The following RPTOR variants were observed in gnomAD, a reference collection of about 807,000 sequenced individuals.
The protein encoded by RPTOR is regulatory-associated protein of mTOR.
A neutral mutation model predicts 169.9 loss-of-function variants in RPTOR; 21 were observed. The observed-to-expected ratio is 0.12, with a 90% CI of 0.09 to 0.18. The LOEUF is 0.18. Among genes scored for constraint, RPTOR ranks in the 10% least tolerant of loss-of-function variants. RPTOR has a pLI of 1.00. For synonymous variants in RPTOR, 732 were observed against 753.2 expected (o/e 0.97, Z 0.46); for missense variants, 1,133 against 1,855.9 (o/e 0.61, Z 7.16).
At chr17:80,570,287 A>G (rs562948465) in intron 1 of RPTOR, among the ~76,000 whole-genome samples, 1 of 152,122 alleles carries the variant, frequency 6.6e-6, no homozygotes, top group African/African-American at 2.4e-5. Context: ...CTAGTTGTGT[A>G]TGGTGGGAGG....
rs753731011 is a variant in RPTOR at position 80,884,989 on chromosome 17, A to AC, written c.1843-13dup. On this transcript the variant is annotated intron_variant, in intron 16 of 33. Transcript: ENST00000306801. ...TGGCCCGGTGTGGGACATGCCTGTG[A>AC]CCCCCCGCCGCCTTGCAGGTCCGCT... 22 of 1,601,850 alleles carry AC rather than the reference A, an allele frequency of 1.4e-5. No homozygotes were observed. In the African/African-American group the frequency reaches 2.0e-4, roughly 15 times the overall value.
chr17:80,663,485 A>C (rs2065740239), intron 3 of RPTOR, among the ~76,000 whole-genome samples: 2 of 152,174 alleles, frequency 1.3e-5, no homozygotes, highest in Admixed American at 1.3e-4. Context: ...AAGCGTAGGC[A>C]TCAGTGAGCT....
rs926989313 is a variant in RPTOR, at chr17:80,867,676, G to A, written c.1509+9776G>A. ...TAGAAAAAATTTAGTAAGTTTGCAG[G>A]TTATAAGATCAATATACAAAAATCA... On this transcript the variant is annotated intron_variant, in intron 13 of 33. Transcript: ENST00000306801. Among the ~76,000 whole-genome samples, 7 of 152,206 alleles carry A rather than the reference G, an allele frequency of 4.6e-5. No homozygotes were observed. In the South Asian group the frequency reaches 1.5e-3, roughly 32 times the overall value.
intron 7 of RPTOR, among the ~76,000 whole-genome samples, chr17:80,799,874 C>G (rs531166207): frequency 6.6e-6 from 1 of 152,324 alleles, no homozygotes; most frequent in Non-Finnish European, 1.5e-5. Context: ...GACAGATGGG[C>G]AGGTGTGTTT....
intron 2 of RPTOR, among the ~76,000 whole-genome samples, chr17:80,641,124 T>C (rs1452655827): frequency 5.3e-5 from 8 of 152,274 alleles, no homozygotes; most frequent in Non-Finnish European, 5.9e-5. Flanking sequence ...TCCTATCTTG[T>C]GGGTCTGATC....
At chr17:80,943,360 A>G (rs1292882667) in intron 25 of RPTOR, among the ~76,000 whole-genome samples, 1 of 152,228 alleles carries the variant, frequency 6.6e-6, no homozygotes, top group Non-Finnish European at 1.5e-5. Context: ...TCTTTGTCAC[A>G]TGACCATGAA....
chr17:80,851,742 T>C (rs2067795804), intron 11 of RPTOR, among the ~76,000 whole-genome samples: 1 of 152,204 alleles, frequency 6.6e-6, no homozygotes, highest in African/African-American at 2.4e-5. Flanking sequence ...CTTTTGTTGT[T>C]TGTAAGGAGC....
At chr17:80,732,573 C>T (rs905360859) in intron 5 of RPTOR, among the ~76,000 whole-genome samples, 1 of 152,120 alleles carries the variant, frequency 6.6e-6, no homozygotes, top group Admixed American at 6.5e-5. Context: ...ACTGAGTTGG[C>T]GAATAGATGG....
intron 13 of RPTOR, among the ~76,000 whole-genome samples, chr17:80,872,138 C>T (rs1376027680): frequency 2.0e-5 from 3 of 152,216 alleles, no homozygotes; most frequent in East Asian, 3.8e-4. Flanking sequence ...GCGTCTTCCA[C>T]AGAAGCTGTC....
rs113606176 is a variant in RPTOR, at chr17:80,940,334, A to C, written c.2920-162A>C. On this transcript the variant is annotated intron_variant, in intron 24 of 33. Coordinates refer to ENST00000306801, the MANE Select transcript of RPTOR (RefSeq NM_020761.3). Reference sequence around the variant, plus strand: ...CTAGCGAGGGTTTGAGGTGTGCCGGAGGATGTGTTCTGCTTGTACGCAGAT... The same window carrying C: ...CTAGCGAGGGTTTGAGGTGTGCCGGCGGATGTGTTCTGCTTGTACGCAGAT... The C allele has an allele frequency of 8.2e-3, 4,740 of 579,802 alleles. 163 individuals carry two copies. In the African/African-American group the frequency reaches 0.082, roughly 10 times the overall value. 35.9% of individuals were successfully genotyped at this position (579,802 alleles called of 1,614,324 possible).
Position 80,823,438 on chromosome 17 carries a change from TAGGAC to T in RPTOR, c.1136+216_1136+220del. The T allele has an allele frequency of 3.6e-6, 2 of 552,984 alleles. No individual in the cohort carries two copies. Among genetic ancestry groups the T allele is most frequent in the Non-Finnish European group, 6.1e-6 (2 of 328,974 alleles). 34.3% of individuals were successfully genotyped at this position (552,984 alleles called of 1,614,324 possible). A position where few individuals can be genotyped will look rare whatever the true frequency, so the allele number is the denominator to read the frequency against. On this transcript the variant is annotated intron_variant, in intron 9 of 33. Coordinates refer to ENST00000306801, the MANE Select transcript of RPTOR (RefSeq NM_020761.3). The surrounding 1 kb of genome is among the most constrained non-coding windows in gnomAD (Gnocchi z 4.5). ...AGGGCAGAAGCCTTGGAGGGCCTTT[TAGGAC>T]TGCACGGGAGCAGCGGCCGGCTGAA...
At position 80,581,535 on chromosome 17, in the gene RPTOR, C is replaced by T. The variant is rs867043089; in HGVS notation, c.162+35744C>T. Among the ~76,000 whole-genome samples, 113 of 91,680 alleles carry T rather than the reference C, an allele frequency of 1.2e-3. No individual in the cohort carries two copies. The Middle Eastern group carries it at 0.03, about 25-fold the overall frequency. The allele number at this position is 91,680 out of a possible 152,430, so 60.1% of individuals were successfully genotyped here. A position where few individuals can be genotyped will look rare whatever the true frequency, so the allele number is the denominator to read the frequency against. ...GCCTGCTATTCTCTGCAGTGGATAC[C>T]GCACATCGGGCCAGTGCATGCCTGC... is the stretch of plus-strand genomic sequence containing the variant. On this transcript the variant is annotated intron_variant, in intron 1 of 33. Coordinates refer to ENST00000306801, the MANE Select transcript of RPTOR (RefSeq NM_020761.3).
intron 11 of RPTOR, among the ~76,000 whole-genome samples, chr17:80,851,547 G>C (rs1327961758): frequency 6.6e-6 from 1 of 152,096 alleles, no homozygotes; most frequent in East Asian, 1.9e-4. Context: ...CTTTATTGAC[G>C]ATGTTTCTTT....
intron 20 of RPTOR, among the ~76,000 whole-genome samples, chr17:80,894,447 G>A (rs769816834): frequency 1.5e-4 from 23 of 152,310 alleles, no homozygotes; most frequent in African/African-American, 5.3e-4. Flanking sequence ...GCAGCTTGAC[G>A]CAGCACTGCC....
intron 1 of RPTOR, among the ~76,000 whole-genome samples, chr17:80,552,208 C>T (rs908717835): frequency 2.0e-5 from 3 of 152,248 alleles, no homozygotes; most frequent in African/African-American, 7.2e-5. Context: ...TACTTCCTTA[C>T]TGGTGGTCTC....
chr17:80,654,299 A>AT (rs1358203679), intron 3 of RPTOR, among the ~76,000 whole-genome samples: 1 of 152,260 alleles, frequency 6.6e-6, no homozygotes, highest in South Asian at 2.1e-4. Context: ...CAGAGGAGCC[A>AT]TGGAGGCAGA....
In RPTOR at chr17:80,886,101, G is replaced by A. The variant is rs569767793; in HGVS notation, c.1983+953G>A. Among the ~76,000 whole-genome samples the A allele has an allele frequency of 3.9e-5, 6 of 152,334 alleles. No individual in the cohort carries two copies. The East Asian group carries it at 7.7e-4, about 20-fold the overall frequency. ...CCGTCAGGTGGCGTTGGCCACCCTC[G>A]TGCGTTCCCGTGCTGGCTGTGTGTG... On this transcript the variant is annotated intron_variant, in intron 17 of 33. Coordinates refer to ENST00000306801, the MANE Select transcript of RPTOR (RefSeq NM_020761.3).
chr17:80,908,703 A>T, intron 20 of RPTOR, 108 bp from the exon 21 acceptor site: 1 of 778,086 alleles, frequency 1.3e-6, no homozygotes, highest in Non-Finnish European at 2.2e-6. Flanking sequence ...TCGGCTCTTT[A>T]AAGCAACACT....
At chr17:80,663,081 T>C (rs1378572441) in intron 3 of RPTOR, among the ~76,000 whole-genome samples, 1 of 152,224 alleles carries the variant, frequency 6.6e-6, no homozygotes, top group African/African-American at 2.4e-5. Context: ...TGTATTCTTT[T>C]GCTCTTGCGT....
Sources: gnomAD v4.1 joint callset for allele counts (sites outside exome capture counted in the v4.1 genomes callset) on GRCh38, gnomAD v4.1.1 for gene constraint, Gnocchi (gnomAD v3.1) non-coding constraint, MANE v1.5 for transcripts, NCBI Gene and HGNC (gene_info 2026-07-23, HGNC 2026-07-21) for gene names.